The following SOAT1 variants were observed in gnomAD, a reference collection of about 807,000 sequenced individuals.
The protein encoded by SOAT1 is acyl-coenzyme A:cholesterol acyltransferase 1.
In SOAT1, 55 loss-of-function variants were observed where a neutral mutation model predicts 69.5. The observed-to-expected ratio is 0.79, with a 90% confidence interval of 0.64 to 0.99. The LOEUF (loss-of-function observed/expected upper bound fraction) is 0.99. Among genes scored for constraint, SOAT1 ranks in the 50% least tolerant of loss-of-function variants. The pLI, the probability that SOAT1 is intolerant of heterozygous loss-of-function variation, is 0.00. For synonymous variants in SOAT1, 231 were observed against 224.7 expected (o/e 1.03, Z -0.25); for missense variants, 580 against 669.3 (o/e 0.87, Z 1.47).
chr1:179,337,247 C>A (rs142352965), intron 4 of SOAT1, among the ~76,000 whole-genome samples: 2 of 152,004 alleles, frequency 1.3e-5, no homozygotes, highest in African/African-American at 4.8e-5. Context: ...GGTAGTAGTA[C>A]GAAAAGCCCT....
chr1:179,350,174 A>G, intron 13 of SOAT1, 122 bp from the exon 14 acceptor site: 1 of 703,048 alleles, frequency 1.4e-6, no homozygotes, highest in Non-Finnish European at 2.3e-6. Flanking sequence ...TCCAAGGAGT[A>G]GACTTAGAAA....
chr1:179,343,730 A>G (rs1666422066), intron 10 of SOAT1, 95 bp downstream of exon 10: 3 of 887,326 alleles, frequency 3.4e-6, no homozygotes, highest in East Asian at 5.4e-5. Flanking sequence ...ATTGGGAGCT[A>G]AGAATGCTTT....
chr1:179,306,794 G>T (rs1041780951), intron 2 of SOAT1, among the ~76,000 whole-genome samples: 2 of 128,676 alleles, frequency 1.6e-5, no homozygotes, highest in Admixed American at 9.9e-5. Flanking sequence ...TCATGCCACT[G>T]CACTCCAGCC....
chr1:179,336,802 C>G (rs1377694999), intron 4 of SOAT1, among the ~76,000 whole-genome samples: 1 of 152,154 alleles, frequency 6.6e-6, no homozygotes, highest in Non-Finnish European at 1.5e-5. Flanking sequence ...CAAGACCAGC[C>G]TGGCCAAGAT....
intron 3 of SOAT1, among the ~76,000 whole-genome samples, chr1:179,327,443 A>G (rs546304846): frequency 6.6e-6 from 1 of 152,202 alleles, no homozygotes; most frequent in Non-Finnish European, 1.5e-5. Context: ...GTAGCTGACG[A>G]AAACTTTTTC....
chr1:179,295,209 C>T (rs981074293), intron 1 of SOAT1, among the ~76,000 whole-genome samples: 1 of 152,194 alleles, frequency 6.6e-6, no homozygotes, highest in African/African-American at 2.4e-5. Flanking sequence ...TCATGCCACA[C>T]TGGCTTTATT....
intron 11 of SOAT1, 50 bp downstream of exon 11, chr1:179,345,126 T>C (rs1186012569): frequency 6.3e-7 from 1 of 1,597,414 alleles, no homozygotes; most frequent in South Asian, 1.1e-5. Context: ...ACGAGGTAAA[T>C]AGAAAGCTAT....
intron 3 of SOAT1, among the ~76,000 whole-genome samples, chr1:179,324,567 C>T (rs1449165307): frequency 6.6e-6 from 1 of 152,154 alleles, no homozygotes; most frequent in Non-Finnish European, 1.5e-5. Flanking sequence ...GGTATAGACT[C>T]CTAGTTAATA....
intron 2 of SOAT1, among the ~76,000 whole-genome samples, chr1:179,313,920 A>G (rs560081438): frequency 3.3e-5 from 5 of 152,260 alleles, no homozygotes; most frequent in Admixed American, 1.3e-4. Flanking sequence ...CTGATCAGGA[A>G]TGTAACTGGT....
At position 179,341,145 on chromosome 1, in the gene SOAT1, T is replaced by C; in HGVS notation, c.615T>C (p.His205=). ...CAGTTCCCTATTTTCTGTTTCAACA[T>C]TGGGCCACTGGCTATAGCAAGAGTT... ...TFSVPYFLFQ[H]WATGYSKSSH... The change falls in exon 7 of 16, where the codon CAT becomes CAC. Residue 205 remains histidine, a synonymous_variant. Transcript: ENST00000367619. 1.2e-6 allele frequency: 2 copies of C among 1,614,106 alleles called. No individual in the cohort carries two copies. Among genetic ancestry groups the C allele is most frequent in the South Asian group, 1.1e-5 (1 of 91,084 alleles).
chr1:179,350,377 G>A lies in SOAT1; in HGVS notation c.1396G>A (p.Val466Ile). The change falls in exon 14 of 16, where the codon GTT becomes ATT. Residue 466 changes from valine to isoleucine, a missense_variant. Val to Ile is a conservative substitution (Grantham distance 29). Coordinates refer to ENST00000367619, the MANE Select transcript of SOAT1 (RefSeq NM_003101.6). The part of the protein sequence containing the change: ...SAVVHEYALA[V>I]CLSFFYPVLF... Reference sequence around the variant, plus strand: ...TGTAGTACACGAATATGCCTTGGCTGTTTGCTTGAGCTTTTTCTATCCCGT... The same window carrying A: ...TGTAGTACACGAATATGCCTTGGCTATTTGCTTGAGCTTTTTCTATCCCGT... The A allele has an allele frequency of 6.2e-7, 1 of 1,613,992 alleles. No individual in the cohort carries two copies.
chr1:179,296,637 C>G (rs1432253560), intron 1 of SOAT1, among the ~76,000 whole-genome samples: 2 of 152,108 alleles, frequency 1.3e-5, no homozygotes, highest in South Asian at 4.1e-4. Flanking sequence ...TTAGGGCCAA[C>G]CTTTGGGTGC....
At chr1:179,350,566 T>A in intron 14 of SOAT1, 135 bp downstream of exon 14, 1 of 756,992 alleles carries the variant, frequency 1.3e-6, no homozygotes, top group Non-Finnish European at 2.1e-6. Context: ...CTTTATCAGA[T>A]GGTCAGAATA....
At chr1:179,331,016 A>G (rs1665951904) in intron 3 of SOAT1, among the ~76,000 whole-genome samples, 1 of 152,208 alleles carries the variant, frequency 6.6e-6, no homozygotes, top group African/African-American at 2.4e-5. Flanking sequence ...AGGCACTGAT[A>G]GGGTTGACAA....
At chr1:179,310,087 A>G (rs1163755311) in intron 2 of SOAT1, among the ~76,000 whole-genome samples, 1 of 151,906 alleles carries the variant, frequency 6.6e-6, no homozygotes, top group Non-Finnish European at 1.5e-5. Context: ...TTTAGTAGAG[A>G]CAGGGTTTCA....
intron 1 of SOAT1, among the ~76,000 whole-genome samples, chr1:179,300,504 A>G (rs768260480): frequency 6.6e-6 from 1 of 152,160 alleles, no homozygotes; most frequent in Non-Finnish European, 1.5e-5. Context: ...CTGTTCCACA[A>G]TTGTTTCATT....
At chr1:179,349,704 T>G (rs1666658206) in intron 13 of SOAT1, among the ~76,000 whole-genome samples, 1 of 152,194 alleles carries the variant, frequency 6.6e-6, no homozygotes, top group African/African-American at 2.4e-5. Flanking sequence ...CTTTGAGACA[T>G]TCTTTAGAGC....
intron 15 of SOAT1, 59 bp from the exon 16 acceptor site, chr1:179,353,526 C>T: frequency 6.9e-7 from 1 of 1,449,000 alleles, no homozygotes; most frequent in South Asian, 1.1e-5. Flanking sequence ...TGCCTATCTC[C>T]ACACCTCCTC....
intron 7 of SOAT1, among the ~76,000 whole-genome samples, chr1:179,341,823 G>A (rs1377949500): frequency 6.6e-6 from 1 of 152,106 alleles, no homozygotes; most frequent in African/African-American, 2.4e-5. Flanking sequence ...GTAAGCCACC[G>A]CGCCCGGCCA....
Sources: gnomAD v4.1 joint callset for allele counts (sites outside exome capture counted in the v4.1 genomes callset) on GRCh38, gnomAD v4.1.1 for gene constraint, MANE v1.5 for transcripts, NCBI Gene and HGNC (gene_info 2026-07-23, HGNC 2026-07-21) for gene names.